Variants in MMD observed in about 807,000 individuals in gnomAD.
The protein encoded by MMD is monocyte to macrophage differentiation associated, also known as monocyte to macrophage differentiation factor.
Under a neutral mutation model 33.6 loss-of-function variants are expected in MMD, and 22 were observed. The ratio of observed to expected loss-of-function variants is 0.66; its 90% CI spans 0.47 to 0.94. The LOEUF is 0.94. MMD is among the 40% of genes least tolerant of loss of function. The pLI, the probability that MMD is intolerant of heterozygous loss-of-function variation, is 0.00. For missense variants in MMD, 242 were observed against 309.8 expected (o/e 0.78, Z 1.64); for synonymous variants, 97 against 103.2 (o/e 0.94, Z 0.36).
intron 2 of MMD, among the ~76,000 whole-genome samples, chr17:55,412,520 C>T (rs1252916313): frequency 6.6e-6 from 1 of 152,166 alleles, no homozygotes; most frequent in Non-Finnish European, 1.5e-5. Context: ...ATGACAGAAG[C>T]TCCCAGGAGA....
intron 4 of MMD, chr17:55,404,705 G>A: frequency 1.0e-6 from 1 of 984,926 alleles, no homozygotes; most frequent in Non-Finnish European, 1.2e-6. Flanking sequence ...ATTTAACCAT[G>A]GACTGTTGTG....
intron 1 of MMD, among the ~76,000 whole-genome samples, chr17:55,414,841 C>T (rs535342477): frequency 6.6e-5 from 10 of 152,228 alleles, no homozygotes; most frequent in South Asian, 2.1e-4. Flanking sequence ...AACTTAAAAC[C>T]GGAGGTATGT....
intron 1 of MMD, among the ~76,000 whole-genome samples, chr17:55,420,801 A>C (rs1270734039): frequency 6.6e-6 from 1 of 152,184 alleles, no homozygotes; most frequent in East Asian, 1.9e-4. Flanking sequence ...AACAGAAAAG[A>C]AAAGCCCGGA....
intron 3 of MMD, 152 bp downstream of exon 3, chr17:55,411,105 A>G: frequency 1.2e-6 from 1 of 856,856 alleles, no homozygotes. Context: ...TCCAAAGAAC[A>G]AGTCCTGAAT....
At chr17:55,419,626 G>A (rs1229149561) in intron 1 of MMD, among the ~76,000 whole-genome samples, 1 of 152,188 alleles carries the variant, frequency 6.6e-6, no homozygotes, top group Non-Finnish European at 1.5e-5. Context: ...GCATTTTAAT[G>A]TGTGAACCAC....
chr17:55,416,956 GCCTT>G (rs1907989378), intron 1 of MMD, among the ~76,000 whole-genome samples: 1 of 152,014 alleles, frequency 6.6e-6, no homozygotes, highest in South Asian at 2.1e-4. Flanking sequence ...AAACTCTCCT[GCCTT>G]CCCCCTTGCC....
intron 1 of MMD, among the ~76,000 whole-genome samples, chr17:55,417,617 C>T (rs145641058): frequency 4.1e-4 from 62 of 152,136 alleles, no homozygotes; most frequent in African/African-American, 1.4e-3. Flanking sequence ...ATAGTGAGAT[C>T]CCATCTCTAC....
intron 1 of MMD, among the ~76,000 whole-genome samples, chr17:55,414,858 C>T (rs1401964871): frequency 6.6e-6 from 1 of 152,114 alleles, no homozygotes; most frequent in Non-Finnish European, 1.5e-5. Flanking sequence ...ATGTTTTCAC[C>T]TTTGTTCTTC....
chr17:55,415,377 A>C lies in MMD; in HGVS notation c.27-1145T>G, dbSNP rs143497583. Among the ~76,000 whole-genome samples the C allele has an allele frequency of 2.3e-3, 357 of 152,246 alleles. 1 individual carries two copies. Among genetic ancestry groups the C allele is most frequent in the African/African-American group, 8.4e-3 (350 of 41,540 alleles). ...CGTCAACAGGCTTTGCACAATAAAT[A>C]ATCCTTTTGCTCAAGCTAGTTTAAA... is the stretch of plus-strand genomic sequence containing the variant. On this transcript the variant is annotated intron_variant, in intron 1 of 6. Transcript: ENST00000262065.
In MMD at chr17:55,403,820, A is replaced by C; in HGVS notation, c.393T>G (p.Phe131Leu). Residue 131 changes from phenylalanine (F) to leucine (L), a missense_variant, in exon 5 of 7, where the codon TTT becomes TTG. By Grantham distance (22) the Phe-to-Leu change is conservative. Transcript: ENST00000262065. ...LGPLASHMRWFIWLMAAGGTI... is the reference protein window; with the variant it reads ...LGPLASHMRWLIWLMAAGGTI... ...TTCCTCCAGCTGCCATGAGCCAGATAAACCAACGCATATGAGATGCCAGGG... is the reference window on the plus strand; with the variant it reads ...TTCCTCCAGCTGCCATGAGCCAGATCAACCAACGCATATGAGATGCCAGGG... The C allele has an allele frequency of 6.2e-7, 1 of 1,613,896 alleles. No individual in the cohort carries two copies. The highest frequency in any genetic ancestry group is 8.5e-7 in the Non-Finnish European group (1 of 1,179,876).
intron 5 of MMD, among the ~76,000 whole-genome samples, chr17:55,402,767 T>C (rs1019782072): frequency 3.9e-5 from 6 of 152,170 alleles, no homozygotes; most frequent in African/African-American, 1.4e-4. Context: ...AAGCAAACCA[T>C]TCCCTTGGAC....
chr17:55,407,586 C>G (rs1203242338), intron 4 of MMD, among the ~76,000 whole-genome samples, 160 bp downstream of exon 4: 1 of 151,868 alleles, frequency 6.6e-6, no homozygotes, highest in Admixed American at 6.6e-5. Flanking sequence ...CCAAGTACAT[C>G]AAATGGGGAA....
chr17:55,416,609 A>G (rs569263912), intron 1 of MMD, among the ~76,000 whole-genome samples: 1 of 152,164 alleles, frequency 6.6e-6, no homozygotes, highest in African/African-American at 2.4e-5. Context: ...CCAGGGTGCA[A>G]TCAAGCCTCC....
intron 1 of MMD, among the ~76,000 whole-genome samples, chr17:55,416,055 T>C (rs927456838): frequency 2.6e-5 from 4 of 152,186 alleles, no homozygotes; most frequent in African/African-American, 4.8e-5. Context: ...TTGGAGGATA[T>C]ACCACATCAT....
chr17:55,410,199 T>C (rs1474478931), intron 3 of MMD, among the ~76,000 whole-genome samples: 1 of 152,212 alleles, frequency 6.6e-6, no homozygotes, highest in Non-Finnish European at 1.5e-5. Flanking sequence ...TTGAATTAGA[T>C]GATTTCTAAA....
At chr17:55,418,040 C>T (rs940259225) in intron 1 of MMD, among the ~76,000 whole-genome samples, 3 of 152,202 alleles carry the variant, frequency 2.0e-5, no homozygotes, top group African/African-American at 7.2e-5. Flanking sequence ...TTGTGTCTGC[C>T]TCTGGGCATG....
At position 55,394,523 on chromosome 17, in the gene MMD, A is replaced by G. The variant is rs2229672; in HGVS notation, c.528T>C (p.Asp176=). ...CCCCACAGGCAAGTTCCTGAAGTCC[A>G]TCGGTGTTGTTCTGTCAACAGAGAA... is the stretch of plus-strand genomic sequence containing the variant. ...ALVVTSMNNT[D]GLQELACGGL... is the part of the protein sequence containing the mutation. Residue 176 remains aspartate, a synonymous_variant, in exon 7 of 7, where the codon GAT becomes GAC. Transcript: ENST00000262065. 3.5e-3 allele frequency: 5,289 copies of G among 1,512,682 alleles called. 192 individuals carry two copies. In the African/African-American group the frequency reaches 0.066, roughly 19 times the overall value. The allele number at this position is 1,512,682 out of a possible 1,614,324, so 93.7% of individuals were successfully genotyped here. A position where few individuals can be genotyped will look rare whatever the true frequency, so the allele number is the denominator to read the frequency against.
At chr17:55,400,938 C>T (rs530721433) in intron 6 of MMD, among the ~76,000 whole-genome samples, 1 of 152,058 alleles carries the variant, frequency 6.6e-6, no homozygotes, top group Admixed American at 6.5e-5. Flanking sequence ...AAGTGCTTGC[C>T]TTAGAAAACA....
intron 5 of MMD, among the ~76,000 whole-genome samples, chr17:55,403,414 A>C (rs945441406): frequency 6.6e-6 from 1 of 152,142 alleles, no homozygotes; most frequent in Non-Finnish European, 1.5e-5. Context: ...ATTCTCTCCA[A>C]TCTTCATAGA....
Sources: allele counts gnomAD v4.1 joint callset (sites outside exome capture counted in the v4.1 genomes callset), GRCh38; gene constraint gnomAD v4.1.1; transcripts MANE v1.5; gene names NCBI Gene and HGNC (gene_info 2026-07-23, HGNC 2026-07-21).